The following SNTG1 variants were observed in gnomAD, a reference collection of about 807,000 sequenced individuals.
SNTG1 encodes syntrophin gamma 1.
SNTG1 carries 39 observed loss-of-function variants against 74.7 expected under a neutral mutation model. That is an observed-to-expected ratio of 0.52 (90% confidence interval 0.40 to 0.68). SNTG1 has a LOEUF of 0.68. Among genes scored for constraint, SNTG1 ranks in the 30% least tolerant of loss-of-function variants. The pLI is 0.00. For synonymous variants in SNTG1, 254 were observed against 217.1 expected (o/e 1.17, Z -1.49); for missense variants, 685 against 609.5 (o/e 1.12, Z -1.30).
chr8:50,293,997 T>A (rs1042396817), intron 2 of SNTG1, among the ~76,000 whole-genome samples: 2 of 152,062 alleles, frequency 1.3e-5, no homozygotes, highest in Non-Finnish European at 2.9e-5. Flanking sequence ...CAAGAAAAAA[T>A]TATGACCTAA....
intron 1 of SNTG1, among the ~76,000 whole-genome samples, chr8:50,053,366 T>C (rs1287893838): frequency 6.6e-6 from 1 of 152,084 alleles, no homozygotes; most frequent in Non-Finnish European, 1.5e-5. Flanking sequence ...TTCATTTATA[T>C]GTAATGTCCA....
At chr8:50,282,755 A>C (rs1484774049) in intron 2 of SNTG1, among the ~76,000 whole-genome samples, 2 of 151,628 alleles carry the variant, frequency 1.3e-5, no homozygotes, top group Non-Finnish European at 2.9e-5. Flanking sequence ...GACAGAAGAG[A>C]CTCTGTCCAT....
In SNTG1 at chr8:50,487,993, A is replaced by G. The variant is rs2093813958; in HGVS notation, c.364-14785A>G. 1.3e-5 allele frequency among the ~76,000 whole-genome samples: 2 copies of G among 152,158 alleles called. 1 individual carries two copies. The highest frequency in any genetic ancestry group is 1.3e-4 in the Admixed American group (2 of 15,284). ...GAGTTAATTTAAACTATGCTTCTGG[A>G]TCTCAAAAGAAAATATACACAAGTA... On this transcript the variant is annotated intron_variant, in intron 8 of 18. Coordinates refer to ENST00000642720, the MANE Select transcript of SNTG1 (RefSeq NM_018967.5).
chr8:50,074,483 C>T (rs549754009), intron 1 of SNTG1, among the ~76,000 whole-genome samples: 128 of 152,080 alleles, frequency 8.4e-4, no homozygotes, highest in African/African-American at 2.9e-3. Context: ...CAGGGAGGTC[C>T]GAGTAGAGTG....
chr8:50,395,887 T>C (rs1202333590), intron 3 of SNTG1, among the ~76,000 whole-genome samples: 3 of 152,186 alleles, frequency 2.0e-5, no homozygotes, highest in Non-Finnish European at 4.4e-5. Context: ...ACCTTATGTC[T>C]TGAGTAGTAA....
chr8:50,155,613 T>C (rs1282299022), intron 1 of SNTG1, among the ~76,000 whole-genome samples: 1 of 151,894 alleles, frequency 6.6e-6, no homozygotes, highest in African/African-American at 2.4e-5. Context: ...AACCACAAAA[T>C]AAATGAGAAA....
At chr8:50,479,358 C>T (rs2093721712) in intron 8 of SNTG1, among the ~76,000 whole-genome samples, 1 of 151,984 alleles carries the variant, frequency 6.6e-6, no homozygotes, top group Non-Finnish European at 1.5e-5. Context: ...TCTGATGCCA[C>T]GTTTCTGACT....
chr8:50,185,497 ATGC>A (rs2083347077), intron 2 of SNTG1, among the ~76,000 whole-genome samples: 1 of 152,218 alleles, frequency 6.6e-6, no homozygotes, highest in African/African-American at 2.4e-5. Flanking sequence ...TCAAAACCTG[ATGC>A]TGCCATTTAC....
chr8:50,449,846 C>A, intron 6 of SNTG1, 121 bp downstream of exon 6: 1 of 853,186 alleles, frequency 1.2e-6, no homozygotes, highest in Non-Finnish European at 1.7e-6. Context: ...TCCCCACCTT[C>A]AGGCATTAGT....
chr8:50,784,531 A>C (rs1319397274), intron 18 of SNTG1, among the ~76,000 whole-genome samples: 2 of 152,164 alleles, frequency 1.3e-5, no homozygotes, highest in African/African-American at 4.8e-5. Flanking sequence ...GAGCTCCAAA[A>C]GGTATGGAAC....
intron 1 of SNTG1, among the ~76,000 whole-genome samples, chr8:49,964,696 AG>A (rs774388321): frequency 6.6e-6 from 1 of 152,164 alleles, no homozygotes; most frequent in Non-Finnish European, 1.5e-5. Flanking sequence ...GTTGAAACAA[AG>A]TTTCCCCTTT....
chr8:50,653,366 C>T (rs1320181496), intron 13 of SNTG1, among the ~76,000 whole-genome samples: 1 of 151,936 alleles, frequency 6.6e-6, no homozygotes, highest in Non-Finnish European at 1.5e-5. Context: ...GGGGAGGTCA[C>T]GTTAGAGCTG....
Position 50,536,726 on chromosome 8 carries a change from G to A in SNTG1, c.598G>A (p.Glu200Lys), listed in dbSNP as rs767682131. The A allele has an allele frequency of 1.4e-5, 22 of 1,613,982 alleles. No homozygotes were observed. The South Asian group carries it at 2.4e-4, about 18-fold the overall frequency. The change falls in exon 11 of 19, where the codon GAG becomes AAG. Residue 200 changes from glutamate (E) to lysine (K), a missense_variant. By Grantham distance (56) the Glu-to-Lys change is moderately conservative. Transcript: ENST00000642720. ...SWPTSPGLRW[E>K]KRWCDLRLIP... ...GCCGACGTCTCCAGGCTTGAGGTGG[G>A]AGAAGCGATGGTGCGACCTCAGACT...
At chr8:50,698,926 A>G (rs1452464650) in intron 15 of SNTG1, among the ~76,000 whole-genome samples, 1 of 152,190 alleles carries the variant, frequency 6.6e-6, no homozygotes, top group African/African-American at 2.4e-5. Context: ...ATTTTCAGCC[A>G]GTCCCACAGC....
chr8:50,316,331 G>A (rs2090318165), intron 2 of SNTG1, among the ~76,000 whole-genome samples: 1 of 152,150 alleles, frequency 6.6e-6, no homozygotes, highest in Admixed American at 6.5e-5. Context: ...GTCATACCGT[G>A]TGACCACAAT....
chr8:49,991,432 C>A (rs981028429), intron 1 of SNTG1, among the ~76,000 whole-genome samples: 2 of 152,122 alleles, frequency 1.3e-5, no homozygotes, highest in Non-Finnish European at 2.9e-5. Flanking sequence ...GAATTCTACT[C>A]CTAGGGTTAT....
chr8:50,402,444 C>A, intron 4 of SNTG1, 100 bp downstream of exon 4: 1 of 1,364,368 alleles, frequency 7.3e-7, no homozygotes, highest in Non-Finnish European at 1.0e-6. Context: ...CTTTCAGTGT[C>A]TAGTCAATGG....
At chr8:50,418,606 G>C (rs994523408) in intron 4 of SNTG1, among the ~76,000 whole-genome samples, 1 of 152,078 alleles carries the variant, frequency 6.6e-6, no homozygotes, top group Non-Finnish European at 1.5e-5. Context: ...GATTGAGATA[G>C]TGCAACAATT....
intron 1 of SNTG1, among the ~76,000 whole-genome samples, chr8:49,986,416 G>A (rs1813156775): frequency 6.6e-6 from 1 of 152,134 alleles, no homozygotes. Flanking sequence ...TTGTGGTTAA[G>A]CTGGAGGTAT....
Sources: gnomAD v4.1 joint callset for allele counts (sites outside exome capture counted in the v4.1 genomes callset) on GRCh38, gnomAD v4.1.1 for gene constraint, MANE v1.5 for transcripts, NCBI Gene and HGNC (gene_info 2026-07-23, HGNC 2026-07-21) for gene names.